Variants in TMPRSS3 observed in about 807,000 individuals in gnomAD.
The protein encoded by TMPRSS3 is transmembrane serine protease 3, also known as transmembrane protease serine 3.
A neutral mutation model predicts 59.6 loss-of-function variants in TMPRSS3; 55 were observed. The ratio of observed to expected loss-of-function variants is 0.92; its 90% CI spans 0.74 to 1.16. The LOEUF is 1.16. Among genes scored for constraint, TMPRSS3 ranks in the 50% most tolerant of loss-of-function variants. The pLI, the probability that TMPRSS3 is intolerant of heterozygous loss-of-function variation, is 0.00. For synonymous variants in TMPRSS3, 257 were observed against 237.7 expected, an observed-to-expected ratio of 1.08 and a Z score of -0.75; for missense variants, 596 against 579.4, an observed-to-expected ratio of 1.03 and a Z score of -0.29.
rs767291843 is a variant in TMPRSS3, at chr21:42,375,884, G to A, written c.1192-16C>T. The A allele has an allele frequency of 1.2e-6, 2 of 1,613,238 alleles. No homozygotes were observed. Among genetic ancestry groups the A allele is most frequent in the Admixed American group, 1.7e-5 (1 of 60,020 alleles). ...CGCTGTCCCCCTGGGTGACAGGAAAGAAGCAAAGATTGGGGGACAGTCACC... is the reference window on the plus strand; with the variant it reads ...CGCTGTCCCCCTGGGTGACAGGAAAAAAGCAAAGATTGGGGGACAGTCACC... On this transcript the variant is annotated splice_polypyrimidine_tract_variant and intron_variant, in intron 11 of 12. Transcript: ENST00000644384.
At chr21:42,376,909 G>C (rs2052440529) in intron 10 of TMPRSS3, among the ~76,000 whole-genome samples, 1 of 152,166 alleles carries the variant, frequency 6.6e-6, no homozygotes, top group Admixed American at 6.5e-5. Flanking sequence ...GGCCGCAAGG[G>C]GCCAGTCTGC....
chr21:42,388,354 T>C lies in TMPRSS3; in HGVS notation c.446+49A>G, dbSNP rs1376910504. On this transcript the variant is annotated intron_variant, in intron 5 of 12. Coordinates refer to ENST00000644384, the MANE Select transcript of TMPRSS3 (RefSeq NM_001256317.3). The surrounding 1 kb of genome is among the most constrained non-coding windows in gnomAD (Gnocchi z 5.1). Reference sequence around the variant, plus strand: ...AAATGGTAGTTGTCTTTCTTTATTGTTATCCTCTCTGTGTTTTGCCCATGG... The same window carrying C: ...AAATGGTAGTTGTCTTTCTTTATTGCTATCCTCTCTGTGTTTTGCCCATGG... 2 of 1,614,046 alleles carry C rather than the reference T, an allele frequency of 1.2e-6. No homozygotes were observed. The highest frequency in any genetic ancestry group is 1.7e-6 in the Non-Finnish European group (2 of 1,179,866).
At chr21:42,382,504 G>T in intron 8 of TMPRSS3, 1 of 513,032 alleles carries the variant, frequency 1.9e-6, no homozygotes, top group Non-Finnish European at 3.6e-6. Flanking sequence ...ATTGGTCACT[G>T]CAAGGAGTCT....
At chr21:42,386,058 T>G (rs1182266597) in intron 5 of TMPRSS3, among the ~76,000 whole-genome samples, 1 of 152,146 alleles carries the variant, frequency 6.6e-6, no homozygotes, top group Non-Finnish European at 1.5e-5. Context: ...AGAAAGCGAT[T>G]CCACGAACAC....
chr21:42,389,827 C>T, intron 3 of TMPRSS3, 100 bp downstream of exon 3: 1 of 919,914 alleles, frequency 1.1e-6, no homozygotes, highest in East Asian at 2.4e-5. Context: ...GTAATTAAGG[C>T]TGGGCAGCAG....
intron 6 of TMPRSS3, among the ~76,000 whole-genome samples, chr21:42,385,063 C>CTCTTCCTCCCTCCCTTCCTTCCTTCCTT (rs374631481): frequency 8.9e-6 from 1 of 111,918 alleles, no homozygotes; most frequent in African/African-American, 3.8e-5. Flanking sequence ...CTTCCTCCCT[C>CTCTTCCTCCCTCCCTTCCTTCCTTCCTT]CCTCCCTCCC....
rs752845603 is a variant in TMPRSS3 at position 42,372,672 on chromosome 21, C to G, written c.*90G>C. 1 of 1,376,430 alleles carries G rather than the reference C, an allele frequency of 7.3e-7. No individual in the cohort carries two copies. The highest frequency in any genetic ancestry group is 1.4e-5 in the African/African-American group (1 of 70,420). The allele number at this position is 1,376,430 out of a possible 1,614,324, so 85.3% of individuals were successfully genotyped here. ...ACTCAGAGCTCCAAGGGTGTCTGCT[C>G]GTGTGCAGGTTCCTACACGGGAGTC... is the stretch of plus-strand genomic sequence containing the variant. On this transcript the variant is annotated 3_prime_UTR_variant, in exon 13 of 13. Coordinates refer to ENST00000644384, the MANE Select transcript of TMPRSS3 (RefSeq NM_001256317.3).
In TMPRSS3 at chr21:42,388,832, A is replaced by G; in HGVS notation, c.322+97T>C. On this transcript the variant is annotated intron_variant, in intron 4 of 12. Coordinates refer to ENST00000644384, the MANE Select transcript of TMPRSS3 (RefSeq NM_001256317.3). This position sits in a 1 kb window ranked among gnomAD's most constrained non-coding sequence, Gnocchi z 5.1. The stretch of plus-strand genomic sequence containing the variant: ...ATCCCAGCTGAAGACATGACCTAAA[A>G]ATGGCAATGACTTGGACCCATTTTA... 1 of 1,159,314 alleles carries G rather than the reference A, an allele frequency of 8.6e-7. No homozygotes were observed. 71.8% of individuals were successfully genotyped at this position (1,159,314 alleles called of 1,614,324 possible).
At chr21:42,395,739 AC>A (rs997706005) in intron 1 of TMPRSS3, 11 of 395,896 alleles carry the variant, frequency 2.8e-5, no homozygotes, top group Non-Finnish European at 4.8e-5. Flanking sequence ...TGTTTGTCCA[AC>A]CAATCTTCAA....
At chr21:42,379,797 T>G (rs2052491172) in intron 10 of TMPRSS3, among the ~76,000 whole-genome samples, 1 of 152,128 alleles carries the variant, frequency 6.6e-6, no homozygotes, top group Non-Finnish European at 1.5e-5. Flanking sequence ...CTGGGAGGGT[T>G]GTCTAGGTGG....
Position 42,388,448 on chromosome 21 carries a change from T to G in TMPRSS3, c.401A>C (p.Lys134Thr), listed in dbSNP as rs1398148606. The change falls in exon 5 of 13, where the codon AAG becomes ACG. Residue 134 changes from lysine (K) to threonine (T), a missense_variant. Transcript: ENST00000644384. The surrounding 1 kb of genome is among the most constrained non-coding windows in gnomAD (Gnocchi z 5.1). ...SWKTMCSDDW[K>T]GHYANVACAQ... ...ACAGGCAACATTTGCGTAGTGACCC[T>G]TCCAGTCATCGGAGCACATGGTCTT... 6.2e-7 allele frequency: 1 copy of G among 1,614,152 alleles called. No homozygotes were observed. Among genetic ancestry groups the G allele is most frequent in the Non-Finnish European group, 8.5e-7 (1 of 1,180,046 alleles).
intron 11 of TMPRSS3, 21 bp downstream of exon 11, chr21:42,376,520 C>A (rs755013014): frequency 1.9e-6 from 3 of 1,612,266 alleles, no homozygotes; most frequent in Non-Finnish European, 2.5e-6. Context: ...CACGGCCTCG[C>A]CCACCGCTGC....
rs1251278677 is a variant in TMPRSS3 at position 42,388,561 on chromosome 21, G to T, written c.323-35C>A. 1 of 1,614,050 alleles carries T rather than the reference G, an allele frequency of 6.2e-7. No homozygotes were observed. The highest frequency in any genetic ancestry group is 8.5e-7 in the Non-Finnish European group (1 of 1,180,022). On this transcript the variant is annotated intron_variant, in intron 4 of 12. Transcript: ENST00000644384. This position sits in a 1 kb window ranked among gnomAD's most constrained non-coding sequence, Gnocchi z 5.1. ...GTGCAGAAAGAAAGGCTTATTAGTG[G>T]CCAGTGGAACCCTGAGACCATAGGC...
In TMPRSS3 at chr21:42,395,941, C is replaced by T; in HGVS notation, c.-52+1G>A. 1.9e-6 allele frequency: 1 copy of T among 518,978 alleles called. No homozygotes were observed. The highest frequency in any genetic ancestry group is 3.8e-6 in the Non-Finnish European group (1 of 259,854). 32.1% of individuals were successfully genotyped at this position (518,978 alleles called of 1,614,324 possible). On this transcript the variant is annotated splice_donor_variant, in intron 1 of 12. Coordinates refer to ENST00000644384, the MANE Select transcript of TMPRSS3 (RefSeq NM_001256317.3). LOFTEE classifies it low-confidence loss of function (5UTR_SPLICE). ...TAAGCATAAGTAGTTTCGGTACTCA[C>T]ATAATTCCCGAGTCCCAAAAATGTA... is the stretch of plus-strand genomic sequence containing the variant.
chr21:42,389,952 T>C lies in TMPRSS3; in HGVS notation c.180A>G (p.Ile60Met). The change falls in exon 3 of 13, where the codon ATA becomes ATG. Residue 60 changes from isoleucine to methionine, a missense_variant. By Grantham distance (10) the Ile-to-Met change is conservative. Coordinates refer to ENST00000644384, the MANE Select transcript of TMPRSS3 (RefSeq NM_001256317.3). ...TGCCCAGACCAATGGCCAGTGCTAATATCAATGCAATGATCCCAATGACGA... is the reference window on the plus strand; with the variant it reads ...TGCCCAGACCAATGGCCAGTGCTAACATCAATGCAATGATCCCAATGACGA... ...PIIVIGIIAL[I>M]LALAIGLGIH... 8 of 1,613,874 alleles carry C rather than the reference T, an allele frequency of 5.0e-6. No homozygotes were observed. The highest frequency in any genetic ancestry group is 6.8e-6 in the Non-Finnish European group (8 of 1,179,712).
intron 11 of TMPRSS3, 26 bp from the exon 12 acceptor site, chr21:42,375,894 T>G (rs750255634): frequency 6.2e-7 from 1 of 1,612,582 alleles, no homozygotes; most frequent in Non-Finnish European, 8.5e-7. Flanking sequence ...GAAGCAAAGA[T>G]TGGGGGACAG....
At chr21:42,375,905 T>G in intron 11 of TMPRSS3, 37 bp from the exon 12 acceptor site, 1 of 1,611,562 alleles carries the variant, frequency 6.2e-7, no homozygotes, top group Non-Finnish European at 8.5e-7. Flanking sequence ...TGGGGGACAG[T>G]CACCGCCATG....
At chr21:42,395,898 C>T (rs750422867) in intron 1 of TMPRSS3, 44 bp downstream of exon 1, 32 of 513,064 alleles carry the variant, frequency 6.2e-5, no homozygotes, top group African/African-American at 5.8e-4. Flanking sequence ...TTTCCCTGTG[C>T]GTGTGGTACA....
intron 2 of TMPRSS3, among the ~76,000 whole-genome samples, chr21:42,393,390 T>A (rs1365054115): frequency 2.0e-5 from 3 of 152,242 alleles, no homozygotes; most frequent in African/African-American, 7.2e-5. Context: ...AGAAACTGTG[T>A]AAACTTCCCA....
Sources: allele counts gnomAD v4.1 joint callset (sites outside exome capture counted in the v4.1 genomes callset), GRCh38; gene constraint gnomAD v4.1.1; non-coding constraint Gnocchi (gnomAD v3.1); transcripts MANE v1.5; gene names NCBI Gene and HGNC (gene_info 2026-07-23, HGNC 2026-07-21).